FRMPD1: variants seen among roughly 807,000 people sequenced by gnomAD.
FRMPD1 encodes the protein FERM and PDZ domain-containing protein 1.
Under a neutral mutation model 117.8 loss-of-function variants are expected in FRMPD1, and 76 were observed. That is an observed-to-expected ratio of 0.65 (90% CI 0.54 to 0.78). FRMPD1 has a LOEUF of 0.78. FRMPD1 is among the 30% of genes least tolerant of loss of function. The probability of loss-of-function intolerance (pLI) is 0.00; values close to 1 mark genes in which losing one functional copy is unlikely to be tolerated. For synonymous variants in FRMPD1, 783 were observed against 770.4 expected, an observed-to-expected ratio of 1.02 and a Z score of -0.27; for missense variants, 1,786 against 1,964.5, an observed-to-expected ratio of 0.91 and a Z score of 1.72.
At chr9:37,637,967 TC>T in the FRMPD1 span, among the ~76,000 whole-genome samples, 1,968 of 54,856 alleles carry the variant, frequency 0.036, 65 homozygotes, top group African/African-American at 0.066. Flanking sequence ...GTGTATGCTT[TC>T]TTTCTTTCTT....
Position 37,744,989 on chromosome 9 carries a change from C to A in FRMPD1, c.2957C>A (p.Pro986His), listed in dbSNP as rs1824621802. 1.9e-6 allele frequency: 3 copies of A among 1,614,104 alleles called. No homozygotes were observed. Among genetic ancestry groups the A allele is most frequent in the African/African-American group, 1.3e-5 (1 of 74,936 alleles). The change falls in exon 16 of 16, where the codon CCT (proline) becomes CAT (histidine). Residue 986 changes from proline to histidine, a missense_variant. By Grantham distance (77) the Pro-to-His change is moderately conservative. Transcript: ENST00000377765. ...GGCCCAGATACTGCTCAGGCAAGGC[C>A]TTCCCAAATCTTACCTCTATCTCAA... ...SSGPDTAQAR[P>H]SQILPLSQDL...
chr9:37,654,217 A>AGGT (rs1200223321), intron 1 of FRMPD1, among the ~76,000 whole-genome samples: 3 of 152,204 alleles, frequency 2.0e-5, no homozygotes, highest in African/African-American at 7.2e-5. Context: ...AGGTAACTAC[A>AGGT]GGTTGTGCCA....
At chr9:37,688,916 TAGA>T (rs1822039656) in intron 1 of FRMPD1, among the ~76,000 whole-genome samples, 2 of 152,082 alleles carry the variant, frequency 1.3e-5, no homozygotes, top group African/African-American at 2.4e-5. Context: ...TGTATGTTAT[TAGA>T]AGAATATATT....
the FRMPD1 span, among the ~76,000 whole-genome samples, chr9:37,617,922 C>T: frequency 6.6e-6 from 1 of 152,180 alleles, no homozygotes. Flanking sequence ...CATGAGAGCC[C>T]ATTCTTTGCA....
rs779949389 is a variant in FRMPD1, at chr9:37,740,554, G to A, written c.2026G>A (p.Glu676Lys). 33 of 1,614,106 alleles carry A rather than the reference G, an allele frequency of 2.0e-5. 1 individual carries two copies. Among genetic ancestry groups the A allele is most frequent in the African/African-American group, 6.7e-5 (5 of 74,934 alleles). The change falls in exon 15 of 16, where the codon GAG (glutamate) becomes AAG (lysine). Residue 676 changes from glutamate (E) to lysine (K), a missense_variant. Physicochemically the swap from Glu to Lys is moderately conservative, Grantham distance 56 (BLOSUM62 1). Transcript: ENST00000377765. The surrounding 1 kb of genome is among the most constrained non-coding windows in gnomAD (Gnocchi z 4.2). ...CCAGTGCCAGAAGACAGAGTTTTCC[G>A]AGAGTGCTGCTTTGGAGACATTTGG... ...NPQCQKTEFSESAALETFGWA... is the reference protein window; with the variant it reads ...NPQCQKTEFSKSAALETFGWA...
the FRMPD1 span, among the ~76,000 whole-genome samples, chr9:37,622,205 C>A: frequency 6.6e-6 from 1 of 152,160 alleles, no homozygotes; most frequent in Non-Finnish European, 1.5e-5. Context: ...GAGCTCTGGG[C>A]ACATGGGTGG....
the FRMPD1 span, among the ~76,000 whole-genome samples, chr9:37,615,124 G>T: frequency 8.1e-5 from 12 of 148,304 alleles, no homozygotes; most frequent in South Asian, 2.4e-3. Flanking sequence ...TTTTTTTTTT[G>T]TGTGTGACAC....
intron 5 of FRMPD1, among the ~76,000 whole-genome samples, chr9:37,716,731 A>G (rs969156973): frequency 7.2e-5 from 11 of 152,212 alleles, no homozygotes; most frequent in African/African-American, 2.6e-4. Context: ...TGTTCCCTGC[A>G]GCTCTTGACA....
At chr9:37,655,983 C>T (rs1820832000) in intron 1 of FRMPD1, among the ~76,000 whole-genome samples, 1 of 152,182 alleles carries the variant, frequency 6.6e-6, no homozygotes, top group African/African-American at 2.4e-5. Flanking sequence ...TCACTGTTCC[C>T]TGATACTTGG....
rs1431104741 is a variant in FRMPD1 at position 37,671,976 on chromosome 9, C to CAACAAAAAACAACAAG, written c.-4-20661_-4-20646dup. On this transcript the variant is annotated intron_variant, in intron 1 of 15. Transcript: ENST00000377765. Reference sequence around the variant, plus strand: ...GCAAGACTCCATCTCAAAACAACAACAACAAAAAACAACAAGCAAACAAAC... The same window carrying CAACAAAAAACAACAAG: ...GCAAGACTCCATCTCAAAACAACAACAACAAAAAACAACAAGAACAAAAAACAACAAGCAAACAAAC... Among the ~76,000 whole-genome samples, 4 of 151,986 alleles carry CAACAAAAAACAACAAG rather than the reference C, an allele frequency of 2.6e-5. No homozygotes were observed. The East Asian group carries it at 7.7e-4, about 29-fold the overall frequency.
chr9:37,640,482 C>A, the FRMPD1 span, among the ~76,000 whole-genome samples: 1 of 152,272 alleles, frequency 6.6e-6, no homozygotes, highest in South Asian at 2.1e-4. Flanking sequence ...AAATGTTCTC[C>A]CATTAAGCTT....
intron 1 of FRMPD1, among the ~76,000 whole-genome samples, chr9:37,667,843 G>C (rs185520313): frequency 6.6e-6 from 1 of 152,274 alleles, no homozygotes; most frequent in East Asian, 1.9e-4. Context: ...ATCATCTCCT[G>C]CTCTACCTGT....
At chr9:37,637,963 G>GCTTTTCTTTCTTT in the FRMPD1 span, among the ~76,000 whole-genome samples, 1 of 100,030 alleles carries the variant, frequency 1.0e-5, no homozygotes, top group Non-Finnish European at 2.0e-5. Flanking sequence ...AATGGTGTAT[G>GCTTTTCTTTCTTT]CTTTCTTTCT....
rs551030038 is a variant in FRMPD1, at chr9:37,683,655, T to C, written c.-4-8983T>C. Among the ~76,000 whole-genome samples the C allele has an allele frequency of 2.0e-5, 3 of 151,648 alleles. No individual in the cohort carries two copies. The East Asian group carries it at 5.8e-4, about 29-fold the overall frequency. On this transcript the variant is annotated intron_variant, in intron 1 of 15. Coordinates refer to ENST00000377765, the MANE Select transcript of FRMPD1 (RefSeq NM_014907.3). Reference sequence around the variant, plus strand: ...CAACAGGTAATACAGTTCTGCAGAGTGTTGTGCGAGGGAGATGAAGTTGGC... The same window carrying C: ...CAACAGGTAATACAGTTCTGCAGAGCGTTGTGCGAGGGAGATGAAGTTGGC...
At chr9:37,636,848 TC>T in the FRMPD1 span, 1 of 1,611,382 alleles carries the variant, frequency 6.2e-7, no homozygotes, top group Non-Finnish European at 8.5e-7. Context: ...GGCACTCGTC[TC>T]CAAGAAGGGG....
chr9:37,692,772 C>G, intron 2 of FRMPD1, 30 bp downstream of exon 2: 1 of 1,480,268 alleles, frequency 6.8e-7, no homozygotes, highest in Non-Finnish European at 9.5e-7. Flanking sequence ...AGATTTCTGT[C>G]TATAAAGGTC....
the FRMPD1 span, among the ~76,000 whole-genome samples, chr9:37,638,119 C>G: frequency 6.6e-6 from 1 of 150,826 alleles, no homozygotes; most frequent in African/African-American, 2.4e-5. Flanking sequence ...TGTCGCCCAG[C>G]CTGGAGTGCA....
At position 37,685,630 on chromosome 9, in the gene FRMPD1, C is replaced by G. The variant is rs569779943; in HGVS notation, c.-4-7008C>G. Among the ~76,000 whole-genome samples, 76 of 151,722 alleles carry G rather than the reference C, an allele frequency of 5.0e-4. 1 individual carries two copies. The highest frequency in any genetic ancestry group is 1.7e-3 in the African/African-American group (71 of 41,320). On this transcript the variant is annotated intron_variant, in intron 1 of 15. Transcript: ENST00000377765. ...TCTTGCCACTGCACTACAGCCTAGG[C>G]GAGAAAGCGAGACTCCGTCTCAAAA...
At chr9:37,605,129 A>G in the FRMPD1 span, among the ~76,000 whole-genome samples, 2 of 152,192 alleles carry the variant, frequency 1.3e-5, no homozygotes, top group African/African-American at 4.8e-5. Context: ...TTGATATTGT[A>G]TATGACTTTC....
Sources: gnomAD v4.1 joint callset for allele counts (sites outside exome capture counted in the v4.1 genomes callset) on GRCh38, gnomAD v4.1.1 for gene constraint, Gnocchi (gnomAD v3.1) non-coding constraint, MANE v1.5 for transcripts, NCBI Gene and HGNC (gene_info 2026-07-23, HGNC 2026-07-21) for gene names.